SGCZ: variants seen among roughly 807,000 people sequenced by gnomAD.
SGCZ encodes zeta-sarcoglycan.
In SGCZ, 40 loss-of-function variants were observed where a neutral mutation model predicts 41.3. That is an observed-to-expected ratio of 0.97 (90% CI 0.75 to 1.26). The LOEUF (loss-of-function observed/expected upper bound fraction) is 1.26. Among genes scored for constraint, SGCZ ranks in the 50% most tolerant of loss-of-function variants. The pLI is 0.00. For missense variants in SGCZ, 552 were observed against 369.8 expected (o/e 1.49, Z -4.04); for synonymous variants, 206 against 137.5 (o/e 1.50, Z -3.49).
At chr8:14,776,989 G>C (rs1035147533) in intron 1 of SGCZ, among the ~76,000 whole-genome samples, 7 of 152,192 alleles carry the variant, frequency 4.6e-5, no homozygotes, top group Admixed American at 6.5e-5. Flanking sequence ...GCACCCGAAT[G>C]TTCAGACAGC....
At chr8:14,820,130 C>T (rs145362696) in intron 1 of SGCZ, among the ~76,000 whole-genome samples, 48 of 152,022 alleles carry the variant, frequency 3.2e-4, no homozygotes, top group African/African-American at 1.1e-3. Context: ...ACATAGCATG[C>T]AAGAGACTCA....
intron 1 of SGCZ, among the ~76,000 whole-genome samples, chr8:14,809,449 T>A (rs968319189): frequency 6.6e-6 from 1 of 152,140 alleles, no homozygotes; most frequent in Non-Finnish European, 1.5e-5. Flanking sequence ...AAACACAAAG[T>A]GTCCTGAAGA....
At chr8:15,178,961 A>C (rs1364735023) in intron 1 of SGCZ, among the ~76,000 whole-genome samples, 1 of 152,160 alleles carries the variant, frequency 6.6e-6, no homozygotes, top group Admixed American at 6.5e-5. Flanking sequence ...ATGATAAACA[A>C]TTTTAGATAT....
chr8:15,191,032 T>C (rs1260553048), intron 1 of SGCZ, among the ~76,000 whole-genome samples: 1 of 152,114 alleles, frequency 6.6e-6, no homozygotes, highest in East Asian at 1.9e-4. Context: ...ATTATAAAAA[T>C]CAAGAATACA....
At chr8:14,190,756 C>G (rs1285365983) in intron 4 of SGCZ, among the ~76,000 whole-genome samples, 2 of 152,020 alleles carry the variant, frequency 1.3e-5, no homozygotes, top group Admixed American at 6.5e-5. Flanking sequence ...GTGCCCTCCA[C>G]CACGCCCGGC....
At chr8:14,693,576 G>A (rs1327556623) in intron 1 of SGCZ, among the ~76,000 whole-genome samples, 1 of 128,346 alleles carries the variant, frequency 7.8e-6, no homozygotes, top group Middle Eastern at 5.0e-3. Context: ...CAGCTACCAC[G>A]ACTGGCTTTT....
chr8:14,765,097 G>A (rs1799999657), intron 1 of SGCZ, among the ~76,000 whole-genome samples: 1 of 152,098 alleles, frequency 6.6e-6, no homozygotes, highest in Non-Finnish European at 1.5e-5. Context: ...TGATACTGTG[G>A]CCCAGAGCTC....
At chr8:14,394,559 G>C (rs1022678876) in intron 2 of SGCZ, among the ~76,000 whole-genome samples, 4 of 152,062 alleles carry the variant, frequency 2.6e-5, no homozygotes, top group South Asian at 2.1e-4. Context: ...GATCATGGTT[G>C]GTTTTACGAG....
Position 14,660,299 on chromosome 8 carries a change from C to T in SGCZ, c.40-105373G>A, listed in dbSNP as rs140860331. ...AAAATAGCTGCAGTAAGGCTGGGCA[C>T]AGTGGCTCATGCCCATAATCCTAGC... is the stretch of plus-strand genomic sequence containing the variant. On this transcript the variant is annotated intron_variant, in intron 1 of 7. Transcript: ENST00000382080. 5.7e-3 allele frequency among the ~76,000 whole-genome samples: 870 copies of T among 151,862 alleles called. 4 individuals are homozygous for T. The highest frequency in any genetic ancestry group is 8.7e-3 in the Non-Finnish European group (590 of 67,930).
chr8:14,446,242 G>C (rs950689473), intron 2 of SGCZ, among the ~76,000 whole-genome samples: 2 of 152,158 alleles, frequency 1.3e-5, no homozygotes, highest in Non-Finnish European at 2.9e-5. Context: ...AGTAGCTACT[G>C]AAGTGACCTG....
intron 1 of SGCZ, among the ~76,000 whole-genome samples, chr8:14,580,765 TAGAA>T (rs1804861483): frequency 1.3e-5 from 2 of 152,156 alleles, no homozygotes; most frequent in African/African-American, 4.8e-5. Flanking sequence ...GTTTAGCACA[TAGAA>T]AGAAAATGGA....
At chr8:14,682,436 A>AT (rs11448326) in intron 1 of SGCZ, among the ~76,000 whole-genome samples, 65,625 of 141,368 alleles carry the variant, frequency 0.46, 16,565 homozygotes, top group Non-Finnish European at 0.58. Flanking sequence ...CTGCAATGCA[A>AT]TTTTTTTTTT....
At chr8:15,207,780 T>C (rs1179559446) in intron 1 of SGCZ, among the ~76,000 whole-genome samples, 1 of 152,146 alleles carries the variant, frequency 6.6e-6, no homozygotes, top group Non-Finnish European at 1.5e-5. Flanking sequence ...AGCTTTTTTA[T>C]ATAAGGAGGG....
At chr8:14,877,883 T>C (rs1804422176) in intron 1 of SGCZ, among the ~76,000 whole-genome samples, 1 of 152,180 alleles carries the variant, frequency 6.6e-6, no homozygotes, top group African/African-American at 2.4e-5. Flanking sequence ...TGTTATTACA[T>C]TTATGCAAAA....
chr8:14,561,005 T>C (rs1159484672), intron 1 of SGCZ, among the ~76,000 whole-genome samples: 1 of 152,152 alleles, frequency 6.6e-6, no homozygotes, highest in Non-Finnish European at 1.5e-5. Flanking sequence ...GCATCTACGC[T>C]GCAGTAAGAA....
chr8:14,616,214 C>T (rs1354310248), intron 1 of SGCZ, among the ~76,000 whole-genome samples: 9 of 151,222 alleles, frequency 6.0e-5, no homozygotes, highest in East Asian at 1.9e-4. Flanking sequence ...ACCCAGGAGG[C>T]GGAACTTGCA....
intron 1 of SGCZ, among the ~76,000 whole-genome samples, chr8:14,581,255 C>T (rs1035551512): frequency 1.1e-4 from 16 of 151,956 alleles, no homozygotes; most frequent in African/African-American, 2.4e-4. Flanking sequence ...ATTACAAGCA[C>T]CACCACAACA....
chr8:14,439,196 C>A (rs564610557), intron 2 of SGCZ, among the ~76,000 whole-genome samples: 25 of 151,802 alleles, frequency 1.6e-4, no homozygotes, highest in African/African-American at 4.1e-4. Flanking sequence ...TTTAAAAATA[C>A]TGACTTAGGA....
intron 3 of SGCZ, among the ~76,000 whole-genome samples, chr8:14,238,873 G>A (rs937386539): frequency 1.8e-4 from 28 of 151,814 alleles, no homozygotes; most frequent in Admixed American, 1.1e-3. Flanking sequence ...AGTATGTCAC[G>A]TCTATGTCAA....
Sources: allele counts gnomAD v4.1 joint callset (sites outside exome capture counted in the v4.1 genomes callset), GRCh38; gene constraint gnomAD v4.1.1; transcripts MANE v1.5; gene names NCBI Gene and HGNC (gene_info 2026-07-23, HGNC 2026-07-21).